TAFA2: variants seen among roughly 807,000 people sequenced by gnomAD.
TAFA2 encodes TAFA chemokine like family member 2.
TAFA2 carries 7 observed loss-of-function variants against 18.8 expected under a neutral mutation model. The observed-to-expected ratio is 0.37, with a 90% confidence interval of 0.21 to 0.70. The LOEUF (loss-of-function observed/expected upper bound fraction) is 0.70. Among genes scored for constraint, TAFA2 ranks in the 30% least tolerant of loss-of-function variants. The pLI, the probability that TAFA2 is intolerant of heterozygous loss-of-function variation, is 0.53. For missense variants in TAFA2, 122 were observed against 158.1 expected, an observed-to-expected ratio of 0.77 and a Z score of 1.23; for synonymous variants, 60 against 54.2, an observed-to-expected ratio of 1.11 and a Z score of -0.47.
chr12:61,814,193 TGAA>T (rs1206266865), intron 2 of TAFA2, among the ~76,000 whole-genome samples: 2 of 151,264 alleles, frequency 1.3e-5, no homozygotes, highest in Non-Finnish European at 2.9e-5. Flanking sequence ...CTGAGAAATT[TGAA>T]GAAGAGCATT....
chr12:61,943,155 T>G (rs1259390422), intron 1 of TAFA2, among the ~76,000 whole-genome samples: 3 of 64,512 alleles, frequency 4.7e-5, no homozygotes, highest in African/African-American at 1.2e-4. Flanking sequence ...TATTCAACAT[T>G]CTTAAAGAAA....
intron 1 of TAFA2, among the ~76,000 whole-genome samples, chr12:62,211,981 C>A (rs2062716017): frequency 6.6e-6 from 1 of 152,138 alleles, no homozygotes; most frequent in South Asian, 2.1e-4. Flanking sequence ...AAAGTAAATA[C>A]ATCCCAAAAG....
intron 1 of TAFA2, among the ~76,000 whole-genome samples, chr12:62,122,265 C>T (rs540799723): frequency 5.3e-4 from 80 of 152,172 alleles, no homozygotes; most frequent in African/African-American, 1.7e-3. Context: ...TCAATGAATC[C>T]GCCTGTGAGA....
chr12:61,926,279 G>T (rs909225664), intron 1 of TAFA2, among the ~76,000 whole-genome samples: 1 of 152,214 alleles, frequency 6.6e-6, no homozygotes, highest in African/African-American at 2.4e-5. Flanking sequence ...AGAGGAGCTG[G>T]TACCATTCCT....
rs1192466215 is a variant in TAFA2 at position 61,708,584 on chromosome 12, T to C, written c.*1822A>G. 1 of 152,120 alleles carries C rather than the reference T, an allele frequency of 6.6e-6. No homozygotes were observed. The highest frequency in any genetic ancestry group is 1.5e-5 in the Non-Finnish European group (1 of 67,988). The allele number at this position is 152,120 out of a possible 1,614,324, so 9.4% of individuals were successfully genotyped here. A position where few individuals can be genotyped will look rare whatever the true frequency, so the allele number is the denominator to read the frequency against. The stretch of plus-strand genomic sequence containing the variant: ...TGATGCAGAAACCCCAGGGCAACTT[T>C]TTTTTTATAATTTCATATAGTCTTG... On this transcript the variant is annotated 3_prime_UTR_variant, in exon 5 of 5. Transcript: ENST00000416284.
intron 2 of TAFA2, among the ~76,000 whole-genome samples, chr12:61,814,595 C>T (rs1458763438): frequency 1.3e-5 from 2 of 151,150 alleles, no homozygotes; most frequent in African/African-American, 2.5e-5. Flanking sequence ...GTACCCCTTG[C>T]CTATAAAGAT....
At chr12:61,851,801 A>AAAAAC (rs1873670530) in intron 2 of TAFA2, among the ~76,000 whole-genome samples, 1 of 137,932 alleles carries the variant, frequency 7.2e-6, no homozygotes, top group Non-Finnish European at 1.5e-5. Context: ...AAAAAAAAAA[A>AAAAAC]AAAAAAAAAA....
intron 4 of TAFA2, among the ~76,000 whole-genome samples, chr12:61,730,037 G>A (rs1308931075): frequency 6.6e-6 from 1 of 152,134 alleles, no homozygotes; most frequent in Non-Finnish European, 1.5e-5. Flanking sequence ...CTCTGGACCA[G>A]TATTGGATAG....
At chr12:61,719,596 T>C (rs1869807198) in intron 4 of TAFA2, among the ~76,000 whole-genome samples, 1 of 152,146 alleles carries the variant, frequency 6.6e-6, no homozygotes, top group Admixed American at 6.5e-5. Context: ...AGCCCCCAGA[T>C]TATCAGAGAG....
chr12:61,920,658 CA>C (rs1466501481), intron 1 of TAFA2, among the ~76,000 whole-genome samples: 4 of 152,214 alleles, frequency 2.6e-5, no homozygotes, highest in Middle Eastern at 3.4e-3. Context: ...GTGTGCTGTG[CA>C]TGTTCATAAA....
intron 2 of TAFA2, among the ~76,000 whole-genome samples, chr12:61,834,146 G>A (rs370465510): frequency 6.6e-6 from 1 of 151,914 alleles, no homozygotes; most frequent in Non-Finnish European, 1.5e-5. Context: ...TATACACTAG[G>A]TCACTTAATC....
At chr12:62,079,390 C>A (rs1868285791) in intron 1 of TAFA2, among the ~76,000 whole-genome samples, 1 of 151,872 alleles carries the variant, frequency 6.6e-6, no homozygotes, top group South Asian at 2.1e-4. Flanking sequence ...CCGTGGCTCA[C>A]ACCTGTAATC....
intron 2 of TAFA2, among the ~76,000 whole-genome samples, chr12:61,851,655 G>A (rs1446845960): frequency 6.6e-6 from 1 of 150,926 alleles, no homozygotes; most frequent in Non-Finnish European, 1.5e-5. Flanking sequence ...GGGGCCTATA[G>A]TCCCAGCAAC....
intron 1 of TAFA2, among the ~76,000 whole-genome samples, chr12:62,197,850 T>C (rs911156012): frequency 6.6e-6 from 1 of 152,180 alleles, no homozygotes; most frequent in Non-Finnish European, 1.5e-5. Flanking sequence ...ACCATTCACC[T>C]CTTAATGAAC....
intron 1 of TAFA2, among the ~76,000 whole-genome samples, chr12:62,032,149 C>T (rs533676804): frequency 5.9e-5 from 9 of 152,120 alleles, no homozygotes; most frequent in East Asian, 5.8e-4. Flanking sequence ...CAAGAGATCA[C>T]GGTGAATGAT....
At chr12:62,135,728 A>T (rs764492899) in intron 1 of TAFA2, 1 of 152,094 alleles carries the variant, frequency 6.6e-6, no homozygotes, top group Non-Finnish European at 1.5e-5. Flanking sequence ...AGCTCAATTA[A>T]GTTAGTAACA....
At chr12:61,821,062 T>C (rs1362181606) in intron 2 of TAFA2, among the ~76,000 whole-genome samples, 2 of 151,482 alleles carry the variant, frequency 1.3e-5, no homozygotes, top group African/African-American at 4.8e-5. Flanking sequence ...CATTCAATAA[T>C]TAGCTCCTTT....
chr12:62,064,147 C>T (rs348655), intron 1 of TAFA2, among the ~76,000 whole-genome samples: 33,797 of 151,892 alleles, frequency 0.22, 3,878 homozygotes, highest in Admixed American at 0.26. Context: ...TAACAAATGA[C>T]AGCGCTGGAA....
chr12:61,906,173 G>A (rs563414659), intron 1 of TAFA2, among the ~76,000 whole-genome samples: 1 of 152,256 alleles, frequency 6.6e-6, no homozygotes, highest in South Asian at 2.1e-4. Flanking sequence ...TAAGTTATGA[G>A]GATGATGTCA....
Sources: gnomAD v4.1 joint callset for allele counts (sites outside exome capture counted in the v4.1 genomes callset) on GRCh38, gnomAD v4.1.1 for gene constraint, MANE v1.5 for transcripts, NCBI Gene and HGNC (gene_info 2026-07-23, HGNC 2026-07-21) for gene names.